DMD: variants seen among roughly 807,000 people sequenced by gnomAD.
The protein encoded by DMD is dystrophin.
A neutral mutation model predicts 330.1 loss-of-function variants in DMD; 63 were observed. The observed-to-expected ratio is 0.19, with a 90% CI of 0.16 to 0.24. The LOEUF (loss-of-function observed/expected upper bound fraction) is 0.24, where lower values mean the gene tolerates loss of function less well. Ranked by LOEUF, DMD falls within the 10% of genes least tolerant of loss-of-function variation. The pLI, the probability that DMD is intolerant of heterozygous loss-of-function variation, is 1.00. For missense variants in DMD, 3,344 were observed against 2,684.1 expected (o/e 1.25, Z -5.43); for synonymous variants, 1,223 against 959.8 (o/e 1.27, Z -5.07).
intron 43 of DMD, among the ~76,000 whole-genome samples, chrX:32,229,846 T>C (rs1157649320): frequency 1.9e-5 from 2 of 105,010 alleles, no homozygotes; most frequent in South Asian, 4.4e-4. Flanking sequence ...TTGTTACTGG[T>C]GGTAAGAACA....
Position 31,126,016 on chromosome X carries a change from T to TG in DMD, c.11046+625dup, listed in dbSNP as rs753386019. 8.1e-5 allele frequency among the ~76,000 whole-genome samples: 9 copies of TG among 111,565 alleles called. No individual in the cohort carries two copies. The East Asian group carries it at 2.5e-3, about 32-fold the overall frequency. ...TGGGACACACTGCTTACTCTCTCAT[T>TG]GACTCAGTCTCCTTATCTGTAAAAC... On this transcript the variant is annotated intron_variant, in intron 78 of 78. Coordinates refer to ENST00000357033, the MANE Select transcript of DMD (RefSeq NM_004006.3).
At chrX:31,718,874 C>T (rs1016652461) in intron 52 of DMD, among the ~76,000 whole-genome samples, 7 of 111,826 alleles carry the variant, frequency 6.3e-5, no homozygotes, top group Non-Finnish European at 1.1e-4. Context: ...TAACACCAAA[C>T]TAGTATGGAA....
At chrX:31,721,685 ACTCT>A (rs767300805) in intron 52 of DMD, among the ~76,000 whole-genome samples, 450 of 39,552 alleles carry the variant, frequency 0.011, 2 homozygotes, top group Non-Finnish European at 0.016. Context: ...TCTCTCTCTC[ACTCT>A]CTCTCTCTCT....
At chrX:31,206,018 G>C (rs1156845133) in intron 66 of DMD, among the ~76,000 whole-genome samples, 1 of 112,560 alleles carries the variant, frequency 8.9e-6, no homozygotes, top group Non-Finnish European at 1.9e-5. Context: ...TTTTTAAGCA[G>C]AAGAACCCAA....
At chrX:31,374,335 G>T (rs1312681568) in intron 60 of DMD, among the ~76,000 whole-genome samples, 2 of 104,943 alleles carry the variant, frequency 1.9e-5, no homozygotes, top group East Asian at 6.1e-4. Context: ...TATACCCAAA[G>T]GACTATAAAT....
chrX:31,630,450 T>C (rs72625598), intron 54 of DMD, among the ~76,000 whole-genome samples: 19,430 of 110,922 alleles, frequency 0.18, 1,411 homozygotes, highest in East Asian at 0.39. Flanking sequence ...TGTTGTTTCC[T>C]GCTTGTGTGG....
intron 50 of DMD, among the ~76,000 whole-genome samples, chrX:31,781,795 C>T: frequency 9.0e-6 from 1 of 111,262 alleles, no homozygotes; most frequent in Middle Eastern, 4.7e-3. Flanking sequence ...GTATCTCTGG[C>T]CAGAGCTCCC....
chrX:31,668,341 C>T (rs1312341009), intron 53 of DMD, among the ~76,000 whole-genome samples: 4 of 110,965 alleles, frequency 3.6e-5, no homozygotes, highest in Non-Finnish European at 7.6e-5. Context: ...CTGCATAATC[C>T]ATTGTATTCC....
At position 31,900,019 on chromosome X, in the gene DMD, T is replaced by C. The variant is rs7053663; in HGVS notation, c.6913-24646A>G. 3.6e-3 allele frequency among the ~76,000 whole-genome samples: 400 copies of C among 111,516 alleles called. 1 individual carries two copies. The highest frequency in any genetic ancestry group is 0.012 in the African/African-American group (380 of 30,737). ...CTAAGTCTAAAACTCAAGTCAAGTG[T>C]AGTGCAGTAAAACAAGTAAGTTAAG... On this transcript the variant is annotated intron_variant, in intron 47 of 78. Transcript: ENST00000357033.
At chrX:31,613,351 A>C (rs1181177813) in intron 55 of DMD, among the ~76,000 whole-genome samples, 1 of 111,185 alleles carries the variant, frequency 9.0e-6, no homozygotes, top group East Asian at 2.8e-4. Context: ...CAACTCTTAC[A>C]CTGTGAAAAA....
intron 52 of DMD, among the ~76,000 whole-genome samples, chrX:31,719,171 G>A (rs1165833649): frequency 1.8e-5 from 2 of 111,913 alleles, no homozygotes; most frequent in Admixed American, 1.9e-4. Context: ...AGCCACTGAA[G>A]TAATATAGTT....
intron 1 of DMD, among the ~76,000 whole-genome samples, chrX:33,021,499 C>T (rs1424423248): frequency 9.0e-6 from 1 of 110,549 alleles, no homozygotes; most frequent in Admixed American, 9.7e-5. Context: ...ATTAAAATGC[C>T]CTTTACAAAG....
intron 51 of DMD, among the ~76,000 whole-genome samples, chrX:31,761,267 C>T (rs749204212): frequency 1.3e-3 from 141 of 110,715 alleles, no homozygotes; most frequent in African/African-American, 4.6e-3. Context: ...AGTGGTTATT[C>T]TTATTAGAAC....
At chrX:32,828,434 G>A (rs768900850) in intron 4 of DMD, among the ~76,000 whole-genome samples, 1 of 104,922 alleles carries the variant, frequency 9.5e-6, no homozygotes, top group African/African-American at 3.7e-5. Flanking sequence ...TGTATATACT[G>A]GATCAGAGTG....
intron 1 of DMD, among the ~76,000 whole-genome samples, chrX:33,043,264 T>A (rs1464993930): frequency 9.0e-6 from 1 of 111,480 alleles, no homozygotes; most frequent in African/African-American, 3.3e-5. Context: ...AATTTCCCAC[T>A]CTAATAAAAT....
chrX:31,989,157 C>T (rs1413177130), intron 44 of DMD, among the ~76,000 whole-genome samples: 2 of 111,806 alleles, frequency 1.8e-5, no homozygotes, highest in Non-Finnish European at 3.8e-5. Context: ...CCCACCCACA[C>T]AAGGGAGAAC....
intron 7 of DMD, among the ~76,000 whole-genome samples, chrX:32,740,662 T>C (rs950824322): frequency 1.9e-4 from 21 of 111,706 alleles, no homozygotes; most frequent in African/African-American, 6.8e-4. Context: ...GCCTCGAATC[T>C]CATCTTTTGG....
At chrX:32,152,962 A>T (rs2096812576) in intron 44 of DMD, among the ~76,000 whole-genome samples, 1 of 112,081 alleles carries the variant, frequency 8.9e-6, no homozygotes, top group African/African-American at 3.2e-5. Context: ...AACTCTGCAA[A>T]TATCATTATC....
rs778830672 is a variant in DMD at position 31,451,201 on chromosome X, T to TCTTC, written c.8938-6578_8938-6575dup. Among the ~76,000 whole-genome samples, 64 of 107,866 alleles carry TCTTC rather than the reference T, an allele frequency of 5.9e-4. 1 individual carries two copies. The East Asian group carries it at 0.017, about 28-fold the overall frequency. 93.7% of individuals were successfully genotyped at this position (107,866 alleles called of 115,157 possible). On this transcript the variant is annotated intron_variant, in intron 59 of 78. Transcript: ENST00000357033. Reference sequence around the variant, plus strand: ...CAGGAGACTTCTTTCTTTCTTTCTTTCTTCCTTTCTTTTTTTCAAGAGACT... The same window carrying TCTTC: ...CAGGAGACTTCTTTCTTTCTTTCTTTCTTCCTTCCTTTCTTTTTTTCAAGAGACT...
Sources: gnomAD v4.1 joint callset for allele counts (sites outside exome capture counted in the v4.1 genomes callset) on GRCh38, gnomAD v4.1.1 for gene constraint, MANE v1.5 for transcripts, NCBI Gene and HGNC (gene_info 2026-07-23, HGNC 2026-07-21) for gene names.